The following CD300LF variants were observed in gnomAD, a reference collection of about 807,000 sequenced individuals.
CD300LF encodes CD300 molecule like family member f.
In CD300LF, 27 loss-of-function variants were observed where a neutral mutation model predicts 32.2. The observed-to-expected ratio is 0.84, with a 90% confidence interval of 0.62 to 1.15. The LOEUF (loss-of-function observed/expected upper bound fraction) is 1.15. Among genes scored for constraint, CD300LF ranks in the 50% most tolerant of loss-of-function variants. The probability of loss-of-function intolerance (pLI) is 0.00; values close to 1 mark genes in which losing one functional copy is unlikely to be tolerated. For missense variants in CD300LF, 348 were observed against 356.8 expected, an observed-to-expected ratio of 0.98 and a Z score of 0.20; for synonymous variants, 139 against 143.2, an observed-to-expected ratio of 0.97 and a Z score of 0.21.
Position 74,695,199 on chromosome 17 carries a change from T to G in CD300LF, c.770A>C (p.Glu257Ala). Reference sequence around the variant, plus strand: ...GTTGCAGTAGGTCGGTTCCTGATCCTCAGCACCCAAGGTCAGAGATGCATA... The same window carrying G: ...GTTGCAGTAGGTCGGTTCCTGATCCGCAGCACCCAAGGTCAGAGATGCATA... ...ISYASLTLGA[E>A]DQEPTYCNMG... is the part of the protein sequence containing the mutation. Residue 257 changes from glutamate to alanine, a missense_variant, in exon 7 of 7, where the codon GAG becomes GCG. Transcript: ENST00000326165. The G allele has an allele frequency of 6.2e-7, 1 of 1,614,122 alleles. No individual in the cohort carries two copies. The highest frequency in any genetic ancestry group is 1.7e-5 in the Admixed American group (1 of 60,024).
At chr17:74,706,765 G>A (rs189279647) in intron 1 of CD300LF, among the ~76,000 whole-genome samples, 1 of 152,216 alleles carries the variant, frequency 6.6e-6, no homozygotes, top group Non-Finnish European at 1.5e-5. Flanking sequence ...CTGGGAAGGG[G>A]TGAGGACCAC....
intron 2 of CD300LF, 38 bp downstream of exon 2, chr17:74,704,440 G>T: frequency 1.4e-6 from 2 of 1,404,672 alleles, no homozygotes; most frequent in Non-Finnish European, 2.0e-6. Flanking sequence ...GACAGAGCAG[G>T]CCCTGAGAGA....
chr17:74,711,978 C>T (rs2034001057), intron 1 of CD300LF, among the ~76,000 whole-genome samples: 1 of 144,550 alleles, frequency 6.9e-6, no homozygotes, highest in African/African-American at 2.6e-5. Flanking sequence ...GATTACAGGT[C>T]ACTGCAGCCT....
chr17:74,707,716 G>T (rs76602428), intron 1 of CD300LF, among the ~76,000 whole-genome samples: 1 of 102,458 alleles, frequency 9.8e-6, no homozygotes, highest in African/African-American at 3.9e-5. Context: ...CTCCATCTCA[G>T]AAAAAAAAAA....
At chr17:74,709,838 G>T (rs916330465) in intron 1 of CD300LF, among the ~76,000 whole-genome samples, 1 of 152,048 alleles carries the variant, frequency 6.6e-6, no homozygotes, top group African/African-American at 2.4e-5. Flanking sequence ...CTCACAAAGT[G>T]CTGGGATTAC....
intron 1 of CD300LF, among the ~76,000 whole-genome samples, chr17:74,708,717 C>T (rs1489098465): frequency 6.6e-6 from 1 of 152,096 alleles, no homozygotes; most frequent in Non-Finnish European, 1.5e-5. Flanking sequence ...GAGATCGAGA[C>T]CATCCTGGCT....
At chr17:74,710,135 C>T (rs957523329) in intron 1 of CD300LF, among the ~76,000 whole-genome samples, 2 of 152,166 alleles carry the variant, frequency 1.3e-5, no homozygotes, top group East Asian at 1.9e-4. Context: ...CCCACCACCA[C>T]GCCCAGCTAA....
intron 1 of CD300LF, chr17:74,705,091 C>A: frequency 1.5e-6 from 1 of 654,746 alleles, no homozygotes; most frequent in South Asian, 1.6e-5. Flanking sequence ...TCTCTCCACC[C>A]TACGGCCAAG....
intron 3 of CD300LF, among the ~76,000 whole-genome samples, chr17:74,702,758 G>A (rs1019981318): frequency 3.3e-5 from 5 of 152,160 alleles, no homozygotes; most frequent in East Asian, 3.8e-4. Flanking sequence ...AGCTCAGCAC[G>A]GTGCAGCCAT....
chr17:74,706,672 A>C (rs2033545075), intron 1 of CD300LF, among the ~76,000 whole-genome samples: 1 of 152,132 alleles, frequency 6.6e-6, no homozygotes, highest in South Asian at 2.1e-4. Flanking sequence ...CCATCTCAAA[A>C]ACAAAACAAA....
intron 2 of CD300LF, 58 bp downstream of exon 2, chr17:74,704,420 C>G: frequency 8.0e-7 from 1 of 1,253,632 alleles, no homozygotes; most frequent in Admixed American, 1.9e-5. Context: ...AGTAGGACCT[C>G]AGAGACCAGG....
At chr17:74,710,526 G>A (rs1166795092) in intron 1 of CD300LF, among the ~76,000 whole-genome samples, 1 of 151,958 alleles carries the variant, frequency 6.6e-6, no homozygotes, top group Non-Finnish European at 1.5e-5. Context: ...TAAATTCCTA[G>A]GAATAACTTT....
rs78844873 is a variant in CD300LF at position 74,695,588 on chromosome 17, C to G, written c.717+137G>C. On this transcript the variant is annotated intron_variant, in intron 6 of 6. Transcript: ENST00000326165. ...TGTGGGAGCTCCTAGGCGAGTCCTG[C>G]AGTGACTATGGCTTTGCCCCACACC... The G allele has an allele frequency of 4.5e-4, 569 of 1,271,262 alleles. 12 individuals are homozygous for G. In the East Asian group the frequency reaches 0.014, roughly 31 times the overall value. 78.7% of individuals were successfully genotyped at this position (1,271,262 alleles called of 1,614,324 possible). A position where few individuals can be genotyped will look rare whatever the true frequency, so the allele number is the denominator to read the frequency against.
chr17:74,701,433 G>A (rs940691389), intron 3 of CD300LF, among the ~76,000 whole-genome samples: 5 of 152,132 alleles, frequency 3.3e-5, no homozygotes, highest in African/African-American at 1.2e-4. Flanking sequence ...CCCTAATCGG[G>A]CACTTACATA....
chr17:74,703,654 C>T (rs1332596225), intron 2 of CD300LF, among the ~76,000 whole-genome samples: 1 of 152,118 alleles, frequency 6.6e-6, no homozygotes, highest in East Asian at 1.9e-4. Context: ...TTGTGAGGAC[C>T]CATTGAGACA....
rs1336156590 is a variant in CD300LF, at chr17:74,698,464, A to G, written c.464T>C (p.Leu155Pro). Reference sequence around the variant, plus strand: ...GAAGATGAGGGGCAGGAGGACACTGAGCTTCAGGAGCTTGTGCCTAGAAAC... The same window carrying G: ...GAAGATGAGGGGCAGGAGGACACTGGGCTTCAGGAGCTTGTGCCTAGAAAC... ...HLDNRHKLLK[L>P]SVLLPLIFTI... Residue 155 changes from leucine to proline, a missense_variant, in exon 4 of 7, where the codon CTC becomes CCC. Leu to Pro is a moderately conservative substitution (Grantham distance 98, BLOSUM62 -3). Transcript: ENST00000326165. 6.2e-7 allele frequency: 1 copy of G among 1,613,776 alleles called. No individual in the cohort carries two copies. Among genetic ancestry groups the G allele is most frequent in the Non-Finnish European group, 8.5e-7 (1 of 1,179,896 alleles).
rs143987315 is a variant in CD300LF, at chr17:74,701,168, T to C, written c.446+1867A>G. Among the ~76,000 whole-genome samples, 718 of 152,372 alleles carry C rather than the reference T, an allele frequency of 4.7e-3. 3 individuals carry two copies. Among genetic ancestry groups the C allele is most frequent in the South Asian group, 0.038 (184 of 4,832 alleles). On this transcript the variant is annotated intron_variant, in intron 3 of 6. Transcript: ENST00000326165. ...GTTAGGGGCAACCCAAGCAAACTAA[T>C]ATAAGGATTATCTCCTTCATCACTG...
In CD300LF at chr17:74,712,910, A is replaced by C. The variant is rs946242435; in HGVS notation, c.-44T>G. The C allele has an allele frequency of 1.2e-6, 2 of 1,603,638 alleles. No individual in the cohort carries two copies. The highest frequency in any genetic ancestry group is 1.7e-6 in the Non-Finnish European group (2 of 1,171,652). ...CCCGTTCCCCTCAGTGGAGCCTGGC[A>C]GCAGGAACAAACTACAGACTCCCAG... On this transcript the variant is annotated 5_prime_UTR_variant, in exon 1 of 7. Transcript: ENST00000326165.
chr17:74,699,339 C>T (rs558613401), intron 3 of CD300LF, among the ~76,000 whole-genome samples: 1 of 152,288 alleles, frequency 6.6e-6, no homozygotes, highest in East Asian at 1.9e-4. Context: ...CTACACCTGC[C>T]CTCTCTACTG....
Sources: allele counts gnomAD v4.1 joint callset (sites outside exome capture counted in the v4.1 genomes callset), GRCh38; gene constraint gnomAD v4.1.1; transcripts MANE v1.5; gene names NCBI Gene and HGNC (gene_info 2026-07-23, HGNC 2026-07-21).